KLRG1: variants seen among roughly 807,000 people sequenced by gnomAD.
The protein encoded by KLRG1 is killer cell lectin-like receptor subfamily G member 1.
KLRG1 carries 16 observed loss-of-function variants against 21.8 expected under a neutral mutation model. The observed-to-expected ratio is 0.73, with a 90% CI of 0.50 to 1.11. The LOEUF (loss-of-function observed/expected upper bound fraction) is 1.11, where lower values mean the gene tolerates loss of function less well. Among genes scored for constraint, KLRG1 ranks in the 50% most tolerant of loss-of-function variants. The pLI, the probability that KLRG1 is intolerant of heterozygous loss-of-function variation, is 0.00. For missense variants in KLRG1, 173 were observed against 218.3 expected, an observed-to-expected ratio of 0.79 and a Z score of 1.31; for synonymous variants, 69 against 75.9, an observed-to-expected ratio of 0.91 and a Z score of 0.47.
chr12:9,154,707 G>A, the KLRG1 span: 1 of 1,614,134 alleles, frequency 6.2e-7, no homozygotes, highest in Non-Finnish European at 8.5e-7. Context: ...TGAGGTGGGG[G>A]CTGGCTGGGC....
intron 1 of KLRG1, 120 bp downstream of exon 1, chr12:8,989,837 A>C (rs1946915604): frequency 1.6e-6 from 1 of 644,612 alleles, no homozygotes; most frequent in African/African-American, 1.8e-5. Flanking sequence ...TTGAGGAAAT[A>C]CTTTTGGTTC....
At chr12:9,059,466 A>C in the KLRG1 span, among the ~76,000 whole-genome samples, 1 of 152,366 alleles carries the variant, frequency 6.6e-6, no homozygotes, top group East Asian at 1.9e-4. Context: ...GGATTAAAAA[A>C]ATCCAAACAC....
chr12:9,113,818 A>C, the KLRG1 span, among the ~76,000 whole-genome samples: 1 of 152,242 alleles, frequency 6.6e-6, no homozygotes, highest in Non-Finnish European at 1.5e-5. Flanking sequence ...TGAACATCTG[A>C]ATTCAAATAA....
At chr12:9,198,344 T>C in the KLRG1 span, among the ~76,000 whole-genome samples, 9 of 152,090 alleles carry the variant, frequency 5.9e-5, no homozygotes, top group Non-Finnish European at 1.2e-4. Flanking sequence ...AGACTCTGTC[T>C]ACTAAAAAAA....
chr12:9,121,637 A>G, the KLRG1 span, among the ~76,000 whole-genome samples: 1 of 152,212 alleles, frequency 6.6e-6, no homozygotes, highest in African/African-American at 2.4e-5. This position sits in a 1 kb window ranked among gnomAD's most constrained non-coding sequence, Gnocchi z 4.4. Flanking sequence ...TCTAAAGAGG[A>G]CTGATTTCCA....
the KLRG1 span, among the ~76,000 whole-genome samples, chr12:9,108,652 G>A: frequency 1.3e-5 from 2 of 152,194 alleles, no homozygotes; most frequent in African/African-American, 4.8e-5. Flanking sequence ...TCTTTGGACA[G>A]GACTATACCT....
the KLRG1 span, chr12:9,095,192 A>G: frequency 1.7e-6 from 1 of 577,792 alleles, no homozygotes; most frequent in Non-Finnish European, 2.9e-6. Flanking sequence ...CTTAAATTAA[A>G]CTTTTAACAT....
chr12:9,148,828 T>C, the KLRG1 span: 6 of 661,084 alleles, frequency 9.1e-6, no homozygotes, highest in South Asian at 8.1e-5. Context: ...GAATGAATGA[T>C]GCAACAAGTG....
chr12:9,060,345 C>CT, the KLRG1 span, among the ~76,000 whole-genome samples: 1 of 152,158 alleles, frequency 6.6e-6, no homozygotes, highest in Non-Finnish European at 1.5e-5. Context: ...CTTTAAGTAG[C>CT]TTTGCTAACT....
the KLRG1 span, chr12:9,154,468 T>C: frequency 2.5e-6 from 2 of 812,612 alleles, no homozygotes; most frequent in African/African-American, 1.7e-5. Flanking sequence ...CTTAAGTCTT[T>C]CCTTTAAATT....
chr12:9,006,311 C>T (rs1252501259), intron 3 of KLRG1, among the ~76,000 whole-genome samples: 1 of 152,126 alleles, frequency 6.6e-6, no homozygotes, highest in East Asian at 1.9e-4. Flanking sequence ...TAAGGAAGGC[C>T]TCTTTGGGGA....
At chr12:9,109,300 A>G in the KLRG1 span, 3 of 1,583,186 alleles carry the variant, frequency 1.9e-6, no homozygotes, top group Non-Finnish European at 2.6e-6. Flanking sequence ...CCCACAAAAG[A>G]TTTTTAAAAA....
At chr12:8,974,551 T>C (rs11494570) in intron 1 of KLRG1, among the ~76,000 whole-genome samples, 55,282 of 151,986 alleles carry the variant, frequency 0.36, 11,017 homozygotes, top group South Asian at 0.44. Context: ...ATTCTCTCTA[T>C]ACCCATTTTT....
the KLRG1 span, among the ~76,000 whole-genome samples, chr12:9,123,013 T>G: frequency 6.6e-6 from 1 of 152,184 alleles, no homozygotes; most frequent in African/African-American, 2.4e-5. Flanking sequence ...AGAAGTGGTA[T>G]AGACTGCTAA....
the KLRG1 span, among the ~76,000 whole-genome samples, chr12:9,172,913 A>C: frequency 6.6e-6 from 1 of 152,238 alleles, no homozygotes; most frequent in South Asian, 2.1e-4. Context: ...TATTAGACAG[A>C]TGATTAAGAC....
At chr12:9,117,625 G>A in the KLRG1 span, among the ~76,000 whole-genome samples, 1 of 152,086 alleles carries the variant, frequency 6.6e-6, no homozygotes, top group Admixed American at 6.5e-5. Flanking sequence ...CTGAGGGTTG[G>A]GAAGATGGAG....
the KLRG1 span, chr12:9,065,126 G>A: frequency 7.1e-6 from 1 of 140,718 alleles, no homozygotes; most frequent in Admixed American, 7.0e-5. Flanking sequence ...CCCGGGCCCA[G>A]GGAGGACCTG....
At chr12:9,153,156 G>A in the KLRG1 span, 3 of 1,614,142 alleles carry the variant, frequency 1.9e-6, no homozygotes, top group Non-Finnish European at 2.5e-6. Flanking sequence ...CCCAGTTACT[G>A]TTATGACATA....
At chr12:9,175,592 C>T in the KLRG1 span, among the ~76,000 whole-genome samples, 38 of 152,004 alleles carry the variant, frequency 2.5e-4, no homozygotes, top group Admixed American at 2.2e-3. Flanking sequence ...CCAGAGTCTA[C>T]GAGGAACTTA....
Sources: allele counts gnomAD v4.1 joint callset (sites outside exome capture counted in the v4.1 genomes callset), GRCh38; gene constraint gnomAD v4.1.1; non-coding constraint Gnocchi (gnomAD v3.1); transcripts MANE v1.5; gene names NCBI Gene and HGNC (gene_info 2026-07-23, HGNC 2026-07-21).